Variants in UEVLD observed in about 807,000 individuals in gnomAD.
UEVLD encodes ubiquitin-conjugating enzyme E2 variant 3.
UEVLD carries 47 observed loss-of-function variants against 58.6 expected under a neutral mutation model. The observed-to-expected ratio is 0.80, with a 90% CI of 0.63 to 1.02. The LOEUF (loss-of-function observed/expected upper bound fraction) is 1.02, where lower values mean the gene tolerates loss of function less well. Among genes scored for constraint, UEVLD ranks in the 50% least tolerant of loss-of-function variants. The probability of loss-of-function intolerance (pLI) is 0.00; values close to 1 mark genes in which losing one functional copy is unlikely to be tolerated. For synonymous variants in UEVLD, 197 were observed against 195.3 expected (o/e 1.01, Z -0.07); for missense variants, 510 against 550.6 (o/e 0.93, Z 0.74).
At chr11:18,568,174 T>A (rs550505235) in intron 4 of UEVLD, among the ~76,000 whole-genome samples, 2 of 152,214 alleles carry the variant, frequency 1.3e-5, no homozygotes, top group Non-Finnish European at 1.5e-5. Flanking sequence ...TAGCTTATAA[T>A]AAAGAGGCTC....
intron 7 of UEVLD, among the ~76,000 whole-genome samples, chr11:18,549,848 T>C (rs1236455212): frequency 6.6e-6 from 1 of 150,562 alleles, no homozygotes; most frequent in Non-Finnish European, 1.5e-5. Context: ...TGAGATGGAG[T>C]TTTGCTCTTG....
Position 18,558,332 on chromosome 11 carries a change from T to C in UEVLD, c.613-2A>G, listed in dbSNP as rs1851855643. The C allele has an allele frequency of 5.0e-6, 8 of 1,594,130 alleles. No homozygotes were observed. The highest frequency in any genetic ancestry group is 1.3e-5 in the African/African-American group (1 of 74,292). ...GAGGACAAGCCTGTCTGCAATACCC[T>C]GTACAGTAAGAGAAAGAACATTACA... On this transcript the variant is annotated splice_acceptor_variant, in intron 6 of 11. Coordinates refer to ENST00000396197, the MANE Select transcript of UEVLD (RefSeq NM_001040697.4). LOFTEE classifies it high-confidence loss of function.
chr11:18,545,686 C>T (rs1851278170), intron 8 of UEVLD, among the ~76,000 whole-genome samples: 1 of 151,972 alleles, frequency 6.6e-6, no homozygotes, highest in South Asian at 2.1e-4. Flanking sequence ...CTCAGGTGAT[C>T]CACCTGCCTC....
chr11:18,555,277 T>C (rs1240958843), intron 7 of UEVLD, among the ~76,000 whole-genome samples: 6 of 151,918 alleles, frequency 3.9e-5, no homozygotes, highest in Non-Finnish European at 5.9e-5. Flanking sequence ...ATACAAAAAA[T>C]TAGCTGGGCA....
At chr11:18,582,323 T>C (rs1322624763) in intron 1 of UEVLD, among the ~76,000 whole-genome samples, 1 of 151,970 alleles carries the variant, frequency 6.6e-6, no homozygotes, top group Non-Finnish European at 1.5e-5. Context: ...ATTTGCTGTT[T>C]TGTTTTGACA....
At position 18,530,143 on chromosome 11, in the gene UEVLD, A is replaced by G. The variant is rs1850510065; in HGVS notation, c.*2177T>C. On this transcript the variant is annotated 3_prime_UTR_variant, in exon 12 of 12. Transcript: ENST00000396197. ...ACATATTATCTAACTTTAATTAGAT[A>G]TCAAATATTAGAAAAGGCTAGTTTT... 3 of 152,256 alleles carry G rather than the reference A, an allele frequency of 2.0e-5. No individual in the cohort carries two copies. The highest frequency in any genetic ancestry group is 2.0e-4 in the Admixed American group (3 of 15,290). The allele number at this position is 152,256 out of a possible 1,614,324, so 9.4% of individuals were successfully genotyped here.
Position 18,565,058 on chromosome 11 carries a change from T to G in UEVLD, c.494-48A>C, listed in dbSNP as rs1349172671. ...CTGAGAATTCAAAAATATCAAGAATTTTTTTAGGATCTTTAAAAAAAATAT... is the reference window on the plus strand; with the variant it reads ...CTGAGAATTCAAAAATATCAAGAATGTTTTTAGGATCTTTAAAAAAAATAT... On this transcript the variant is annotated intron_variant, in intron 5 of 11. Transcript: ENST00000396197. The G allele has an allele frequency of 8.5e-6, 12 of 1,415,358 alleles. No individual in the cohort carries two copies. The South Asian group carries it at 1.3e-4, about 16-fold the overall frequency. The allele number at this position is 1,415,358 out of a possible 1,614,324, so 87.7% of individuals were successfully genotyped here. A position where few individuals can be genotyped will look rare whatever the true frequency, so the allele number is the denominator to read the frequency against.
At chr11:18,533,719 G>A (rs775209580) in intron 11 of UEVLD, among the ~76,000 whole-genome samples, 2 of 152,218 alleles carry the variant, frequency 1.3e-5, no homozygotes, top group African/African-American at 4.8e-5. Context: ...TTTCGAGACT[G>A]AGTCTCGCTG....
intron 7 of UEVLD, 115 bp downstream of exon 7, chr11:18,558,113 T>C (rs1272030064): frequency 1.6e-6 from 1 of 641,958 alleles, no homozygotes; most frequent in African/African-American, 1.8e-5. Context: ...TTTCCCAATA[T>C]GTAAAATGAG....
At chr11:18,585,915 G>A (rs563187407) in intron 1 of UEVLD, among the ~76,000 whole-genome samples, 13 of 152,270 alleles carry the variant, frequency 8.5e-5, no homozygotes, top group East Asian at 5.8e-4. Context: ...GATTAGAGGC[G>A]TAAGCCACCA....
At chr11:18,588,521 G>T in intron 1 of UEVLD, 92 bp downstream of exon 1, 1 of 1,487,498 alleles carries the variant, frequency 6.7e-7, no homozygotes, top group East Asian at 2.4e-5. Context: ...ACTACAAGCC[G>T]GGAAACGCAA....
At chr11:18,534,303 T>C in intron 11 of UEVLD, 27 bp downstream of exon 11, 2 of 1,452,634 alleles carry the variant, frequency 1.4e-6, no homozygotes, top group Admixed American at 2.7e-5. Context: ...GTTTAAAATA[T>C]AATAAGAGAA....
chr11:18,532,478 C>A lies in UEVLD; in HGVS notation c.1258G>T (p.Asp420Tyr), dbSNP rs1850606715. 1.9e-6 allele frequency: 3 copies of A among 1,601,622 alleles called. No homozygotes were observed. The highest frequency in any genetic ancestry group is 2.7e-5 in the African/African-American group (2 of 74,272). The change falls in exon 12 of 12, where the codon GAT (aspartate) becomes TAT (tyrosine). Residue 420 changes from aspartate to tyrosine, a missense_variant. Asp to Tyr is a radical substitution (Grantham distance 160). Coordinates refer to ENST00000396197, the MANE Select transcript of UEVLD (RefSeq NM_001040697.4). Reference protein sequence around the residue: ...SVSALAKGYYDINSEVFLSLP... With the variant: ...SVSALAKGYYYINSEVFLSLP... ...CTTAAAAACACTTCACTATTTATAT[C>A]ATAATATCCCTGAAATGAGAAAAAT...
chr11:18,538,978 C>T (rs886754165), intron 9 of UEVLD: 2 of 151,326 alleles, frequency 1.3e-5, no homozygotes, highest in African/African-American at 4.9e-5. Context: ...TGCAGTGAGC[C>T]GAGACCGTGC....
intron 9 of UEVLD, among the ~76,000 whole-genome samples, chr11:18,537,765 CAATT>C (rs1850872370): frequency 6.6e-6 from 1 of 152,106 alleles, no homozygotes; most frequent in African/African-American, 2.4e-5. Context: ...TGGGTTCAAG[CAATT>C]ATTCTACCTC....
rs1295762873 is a variant in UEVLD at position 18,588,665 on chromosome 11, G to C, written c.-11C>G. 1.2e-6 allele frequency: 2 copies of C among 1,608,288 alleles called. No individual in the cohort carries two copies. Among genetic ancestry groups the C allele is most frequent in the Non-Finnish European group, 8.5e-7 (1 of 1,179,724 alleles). ...GCAGTCGAACTCCATCTCCAGGCCG[G>C]TCCCGAGCTAGGTCCCAGGACTCCA... On this transcript the variant is annotated 5_prime_UTR_variant, in exon 1 of 12. Coordinates refer to ENST00000396197, the MANE Select transcript of UEVLD (RefSeq NM_001040697.4).
chr11:18,571,155 G>T (rs1478898103), intron 3 of UEVLD, among the ~76,000 whole-genome samples: 1 of 151,980 alleles, frequency 6.6e-6, no homozygotes, highest in Non-Finnish European at 1.5e-5. Flanking sequence ...AGACCAGCCT[G>T]ACCAACATGA....
At chr11:18,538,665 C>T (rs939230353) in intron 9 of UEVLD, among the ~76,000 whole-genome samples, 13 of 151,550 alleles carry the variant, frequency 8.6e-5, no homozygotes, top group Admixed American at 6.6e-4. Context: ...GAGGAAAATA[C>T]AAAACCTCTC....
At chr11:18,540,555 T>C (rs944612093) in intron 9 of UEVLD, among the ~76,000 whole-genome samples, 1 of 152,158 alleles carries the variant, frequency 6.6e-6, no homozygotes, top group African/African-American at 2.4e-5. Flanking sequence ...GACAGGGAGA[T>C]AGACTGGGGA....
Sources: gnomAD v4.1 joint callset for allele counts (sites outside exome capture counted in the v4.1 genomes callset) on GRCh38, gnomAD v4.1.1 for gene constraint, MANE v1.5 for transcripts, NCBI Gene and HGNC (gene_info 2026-07-23, HGNC 2026-07-21) for gene names.